The following PCDH15 variants were observed in gnomAD, a reference collection of about 807,000 sequenced individuals.
PCDH15 encodes protocadherin related 15, also known as protocadherin-15.
PCDH15 carries 129 observed loss-of-function variants against 178.5 expected under a neutral mutation model. The ratio of observed to expected loss-of-function variants is 0.72; its 90% CI spans 0.63 to 0.84. The LOEUF is 0.84. Among genes scored for constraint, PCDH15 ranks in the 40% least tolerant of loss-of-function variants. PCDH15 has a pLI of 0.00. For synonymous variants in PCDH15, 800 were observed against 732.0 expected (o/e 1.09, Z -1.50); for missense variants, 2,230 against 2,099.9 (o/e 1.06, Z -1.21).
intron 2 of PCDH15, among the ~76,000 whole-genome samples, chr10:54,972,338 G>A (rs1048377460): frequency 8.0e-5 from 12 of 150,414 alleles, no homozygotes; most frequent in Non-Finnish European, 1.5e-4. Flanking sequence ...TCAGGAGTTC[G>A]AGACCAGCCT....
chr10:55,319,977 C>T (rs765588928), upstream of PCDH15, among the ~76,000 whole-genome samples: 1 of 152,100 alleles, frequency 6.6e-6, no homozygotes, highest in Non-Finnish European at 1.5e-5. Flanking sequence ...TGAGTCCAAC[C>T]TGAGTATCCC....
At chr10:54,822,485 A>G (rs1953060771) in intron 3 of PCDH15, among the ~76,000 whole-genome samples, 1 of 152,124 alleles carries the variant, frequency 6.6e-6, no homozygotes, top group African/African-American at 2.4e-5. Flanking sequence ...TTATGGGTTA[A>G]TCATATTCCA....
chr10:54,301,613 A>C (rs1429852145), intron 8 of PCDH15, among the ~76,000 whole-genome samples: 4 of 152,196 alleles, frequency 2.6e-5, no homozygotes, highest in Non-Finnish European at 5.9e-5. Context: ...CTGAGGCTAG[A>C]TGACTGGGCC....
intron 13 of PCDH15, among the ~76,000 whole-genome samples, chr10:54,170,338 C>T (rs572000743): frequency 3.2e-3 from 490 of 152,168 alleles, no homozygotes; most frequent in African/African-American, 0.011. Context: ...CAGGACCACA[C>T]CCTGTAGCCT....
chr10:53,859,923 T>C (rs2078990824), intron 27 of PCDH15, among the ~76,000 whole-genome samples: 1 of 152,134 alleles, frequency 6.6e-6, no homozygotes. Context: ...CAGGATTTAA[T>C]CAAGGAAATC....
chr10:54,689,474 T>TA (rs2095075858), intron 1 of PCDH15, among the ~76,000 whole-genome samples: 1 of 152,132 alleles, frequency 6.6e-6, no homozygotes, highest in Non-Finnish European at 1.5e-5. Flanking sequence ...GATCAACACT[T>TA]ACATTTTGCC....
chr10:55,153,218 A>G (rs1838786852), intron 2 of PCDH15, among the ~76,000 whole-genome samples: 1 of 152,092 alleles, frequency 6.6e-6, no homozygotes, highest in African/African-American at 2.4e-5. Context: ...GGATAAATGG[A>G]GTAGGATTGA....
intron 5 of PCDH15, among the ~76,000 whole-genome samples, chr10:54,349,722 C>A (rs2583027): frequency 0.11 from 17,466 of 152,044 alleles, 1,780 homozygotes; most frequent in African/African-American, 0.28. Flanking sequence ...CATTGTATTT[C>A]TTTGATTGAC....
intron 2 of PCDH15, chr10:54,528,257 A>G (rs779046854): frequency 2.4e-6 from 2 of 836,174 alleles, no homozygotes; most frequent in South Asian, 1.6e-5. Flanking sequence ...ACATAATTGG[A>G]CTTTAATTGT....
intron 2 of PCDH15, among the ~76,000 whole-genome samples, chr10:55,614,576 CA>C (rs1195204695): frequency 6.6e-6 from 1 of 152,106 alleles, no homozygotes; most frequent in Non-Finnish European, 1.5e-5. Flanking sequence ...TAAAATAATT[CA>C]AAATACCCTT....
chr10:55,045,230 G>T (rs978534997), intron 2 of PCDH15, among the ~76,000 whole-genome samples: 2 of 151,738 alleles, frequency 1.3e-5, no homozygotes, highest in African/African-American at 4.8e-5. Flanking sequence ...CATTTCCTTT[G>T]TACCCAAGCC....
chr10:54,889,500 G>GATAT (rs397688090), intron 3 of PCDH15, among the ~76,000 whole-genome samples: 6,325 of 141,814 alleles, frequency 0.045, 382 homozygotes, highest in African/African-American at 0.13. Context: ...TAATTGTGAA[G>GATAT]ATATATATAT....
In PCDH15 at chr10:54,852,855, A is replaced by AAAATAAAATAAAAT. The variant is rs1554806693; in HGVS notation, c.-29+44594_-29+44595insATTTTATTTTATTT. Reference sequence around the variant, plus strand: ...GCAACAGACTGAGACTCTGTCTCAAAAAAATAAAATAAAATAAAATAAAAT... The same window carrying AAAATAAAATAAAAT: ...GCAACAGACTGAGACTCTGTCTCAAAAAATAAAATAAAATAAAATAAAATAAAATAAAATAAAAT... On this transcript the variant is annotated intron_variant, in intron 3 of 5. Coordinates refer to the PCDH15 transcript ENST00000458638. Among the ~76,000 whole-genome samples, 457 of 147,336 alleles carry AAAATAAAATAAAAT rather than the reference A, an allele frequency of 3.1e-3. 4 individuals are homozygous for AAAATAAAATAAAAT. The highest frequency in any genetic ancestry group is 0.011 in the African/African-American group (432 of 39,970).
intron 2 of PCDH15, among the ~76,000 whole-genome samples, chr10:55,148,836 ATATATAT>A (rs945436863): frequency 2.0e-5 from 3 of 148,324 alleles, no homozygotes; most frequent in African/African-American, 7.3e-5. Context: ...CAACAAAATT[ATATATAT>A]TATATAAATA....
At chr10:54,766,940 A>C (rs930257663) in intron 1 of PCDH15, among the ~76,000 whole-genome samples, 20 of 151,780 alleles carry the variant, frequency 1.3e-4, no homozygotes, top group South Asian at 4.2e-4. Context: ...AAAAAAACAA[A>C]AAAAAAAATC....
At chr10:54,795,041 T>C (rs16906541) in intron 1 of PCDH15, among the ~76,000 whole-genome samples, 3,175 of 151,950 alleles carry the variant, frequency 0.021, 101 homozygotes, top group African/African-American at 0.07. Context: ...ACTTTCATAT[T>C]ATACATTTTC....
chr10:54,530,135 T>C (rs1285646854), intron 2 of PCDH15, among the ~76,000 whole-genome samples: 3 of 152,138 alleles, frequency 2.0e-5, no homozygotes, highest in South Asian at 4.1e-4. Flanking sequence ...GTAGGCTTTA[T>C]GAAGCTAAGC....
At chr10:55,435,258 T>C (rs1451865209) in intron 2 of PCDH15, among the ~76,000 whole-genome samples, 2 of 152,154 alleles carry the variant, frequency 1.3e-5, no homozygotes, top group Non-Finnish European at 2.9e-5. Context: ...AAGGTATTGA[T>C]ACAAACAACC....
intron 1 of PCDH15, among the ~76,000 whole-genome samples, chr10:54,719,117 A>G (rs1476313306): frequency 1.4e-5 from 2 of 145,980 alleles, no homozygotes; most frequent in African/African-American, 2.5e-5. Flanking sequence ...AAAAAACACA[A>G]AGAAATCAGA....
Sources: gnomAD v4.1 joint callset for allele counts (sites outside exome capture counted in the v4.1 genomes callset) on GRCh38, gnomAD v4.1.1 for gene constraint, MANE v1.5 for transcripts, NCBI Gene and HGNC (gene_info 2026-07-23, HGNC 2026-07-21) for gene names.